Variants in MGA observed in about 807,000 individuals in gnomAD.
MGA encodes MAX dimerization protein MGA.
A neutral mutation model predicts 261.1 loss-of-function variants in MGA; 40 were observed. That is an observed-to-expected ratio of 0.15 (90% confidence interval 0.12 to 0.20). MGA has a LOEUF of 0.20. Among genes scored for constraint, MGA ranks in the 10% least tolerant of loss-of-function variants. The probability of loss-of-function intolerance (pLI) is 1.00; values close to 1 mark genes in which losing one functional copy is unlikely to be tolerated. For missense variants in MGA, 3,397 were observed against 3,630.5 expected, an observed-to-expected ratio of 0.94 and a Z score of 1.65; for synonymous variants, 1,302 against 1,290.6, an observed-to-expected ratio of 1.01 and a Z score of -0.19.
intron 3 of MGA, 47 bp from the exon 4 acceptor site, chr15:41,698,816 T>G: frequency 7.1e-7 from 1 of 1,408,132 alleles, no homozygotes; most frequent in Non-Finnish European, 9.6e-7. Context: ...CATTTAAGTT[T>G]TCAGAAGCAA....
chr15:41,658,626 C>T (rs982576403), upstream of MGA, among the ~76,000 whole-genome samples: 3 of 151,754 alleles, frequency 2.0e-5, no homozygotes, highest in African/African-American at 7.3e-5. Flanking sequence ...CTAGGTTAGG[C>T]GGACTCCACT....
chr15:41,727,690 C>G (rs1057174495), intron 10 of MGA, among the ~76,000 whole-genome samples: 3 of 151,978 alleles, frequency 2.0e-5, no homozygotes, highest in African/African-American at 7.3e-5. Context: ...AAAGATACTA[C>G]TCCTGTATTG....
intron 2 of MGA, among the ~76,000 whole-genome samples, chr15:41,687,196 C>G (rs2059015513): frequency 6.6e-6 from 1 of 151,808 alleles, no homozygotes; most frequent in South Asian, 2.1e-4. Flanking sequence ...TTTAATTTGC[C>G]TTAGATTAGG....
intron 13 of MGA, among the ~76,000 whole-genome samples, chr15:41,737,645 A>G (rs2061859155): frequency 6.6e-6 from 1 of 152,192 alleles, no homozygotes. Context: ...TGGCATATAG[A>G]AAATTTGAAA....
intron 12 of MGA, among the ~76,000 whole-genome samples, chr15:41,735,139 A>G (rs574832700): frequency 5.9e-5 from 9 of 152,274 alleles, no homozygotes; most frequent in African/African-American, 1.7e-4. Context: ...ATAATTAACA[A>G]TGTTTCTATA....
chr15:41,748,815 A>G lies in MGA; in HGVS notation c.5391A>G (p.Gly1797=), dbSNP rs889513034. Residue 1797 remains glycine (G), a synonymous_variant, in exon 16 of 24, where the codon GGA becomes GGG. Transcript: ENST00000219905. ...TGCAGCCTGTTAGGAGTCCAAGTGG[A>G]ATGAACTTATTCAGGCACCCTAATG... The G allele has an allele frequency of 1.2e-6, 2 of 1,613,836 alleles. No individual in the cohort carries two copies. Among genetic ancestry groups the G allele is most frequent in the Non-Finnish European group, 1.7e-6 (2 of 1,179,898 alleles).
intron 11 of MGA, among the ~76,000 whole-genome samples, chr15:41,730,226 T>C (rs1344645339): frequency 1.3e-5 from 2 of 151,976 alleles, no homozygotes; most frequent in African/African-American, 2.4e-5. Context: ...GAGGCCGAGG[T>C]GGGCTGATCG....
chr15:41,764,420 A>AT (rs1173162331), intron 22 of MGA, among the ~76,000 whole-genome samples: 2 of 151,826 alleles, frequency 1.3e-5, no homozygotes, highest in African/African-American at 2.4e-5. Context: ...CGCCTGGCTA[A>AT]TTTTTTGTAT....
At chr15:41,756,977 T>TTATA (rs1595997261) in intron 18 of MGA, among the ~76,000 whole-genome samples, 2 of 63,240 alleles carry the variant, frequency 3.2e-5, no homozygotes. Context: ...CTTTTTTTGT[T>TTATA]TAGATATATA....
At chr15:41,639,838 G>A (rs778351691) in intron 1 of MGA, among the ~76,000 whole-genome samples, 10 of 152,142 alleles carry the variant, frequency 6.6e-5, no homozygotes, top group South Asian at 2.1e-4. Context: ...GTGAGCCACC[G>A]TGCCTGGCCC....
chr15:41,765,689 A>T (rs1367237112), intron 23 of MGA, among the ~76,000 whole-genome samples: 1 of 152,242 alleles, frequency 6.6e-6, no homozygotes, highest in Non-Finnish European at 1.5e-5. Context: ...AGTAGCAGTT[A>T]ATTAGGTGAA....
intron 10 of MGA, 48 bp from the exon 11 acceptor site, chr15:41,729,116 C>T (rs779678553): frequency 1.2e-5 from 19 of 1,543,840 alleles, no homozygotes; most frequent in Admixed American, 1.0e-4. Context: ...TGGAGTCTAG[C>T]GGAGTTTTTC....
Position 41,666,173 on chromosome 15 carries a change from G to A in MGA, c.-67-2655G>A, listed in dbSNP as rs925465782. Among the ~76,000 whole-genome samples the A allele has an allele frequency of 6.1e-5, 9 of 147,834 alleles. No homozygotes were observed. In the East Asian group the frequency reaches 1.7e-3, roughly 29 times the overall value. ...GCCTCCTAAAGTGATGGAATTACCGGTGTGAGCCACTGCACCTGCCCACCT... is the reference window on the plus strand; with the variant it reads ...GCCTCCTAAAGTGATGGAATTACCGATGTGAGCCACTGCACCTGCCCACCT... On this transcript the variant is annotated intron_variant, in intron 1 of 23. Transcript: ENST00000219905.
upstream of MGA, among the ~76,000 whole-genome samples, chr15:41,656,366 CT>C (rs2057188724): frequency 7.1e-6 from 1 of 140,930 alleles, no homozygotes; most frequent in African/African-American, 2.5e-5. Flanking sequence ...CTCTCTCTCT[CT>C]CTCTCTCTCT....
Position 41,764,898 on chromosome 15 carries a change from C to A in MGA, c.7757C>A (p.Pro2586His). ...ATCTTTCTTACAGAAAATACCTCAC[C>A]CTTGAACACTCCACACACCTCTGCC... Residue 2586 changes from proline to histidine, a missense_variant, in exon 23 of 24, where the codon CCC (proline) becomes CAC (histidine). Physicochemically the swap from Pro to His is moderately conservative, Grantham distance 77. Coordinates refer to ENST00000219905, the MANE Select transcript of MGA (RefSeq NM_001164273.2). 2 of 1,613,950 alleles carry A rather than the reference C, an allele frequency of 1.2e-6. No individual in the cohort carries two copies. Among genetic ancestry groups the A allele is most frequent in the South Asian group, 1.1e-5 (1 of 91,076 alleles).
intron 15 of MGA, among the ~76,000 whole-genome samples, chr15:41,745,619 GAGAC>G (rs1039850121): frequency 4.6e-5 from 7 of 152,066 alleles, no homozygotes; most frequent in East Asian, 1.9e-4. Context: ...TATATAGAGA[GAGAC>G]AGACAGGGTC....
At chr15:41,708,022 A>G (rs1306544883) in intron 6 of MGA, 82 bp from the exon 7 acceptor site, 1 of 1,390,158 alleles carries the variant, frequency 7.2e-7, no homozygotes. Flanking sequence ...ACACTTACCA[A>G]ATTAAAGTTT....
chr15:41,755,553 G>C (rs1480703203), intron 18 of MGA, among the ~76,000 whole-genome samples: 1 of 152,190 alleles, frequency 6.6e-6, no homozygotes, highest in East Asian at 1.9e-4. Context: ...AATGCCGTGT[G>C]AGAACATTCT....
intron 7 of MGA, among the ~76,000 whole-genome samples, chr15:41,709,063 G>A (rs893753573): frequency 2.6e-5 from 4 of 152,018 alleles, no homozygotes; most frequent in African/African-American, 9.7e-5. Context: ...TAAATTTTGT[G>A]GTTGGGCATG....
Sources: allele counts gnomAD v4.1 joint callset (sites outside exome capture counted in the v4.1 genomes callset), GRCh38; gene constraint gnomAD v4.1.1; transcripts MANE v1.5; gene names NCBI Gene and HGNC (gene_info 2026-07-23, HGNC 2026-07-21).